The following RPS6KC1 variants were observed in gnomAD, a reference collection of about 807,000 sequenced individuals.
RPS6KC1 encodes ribosomal protein S6 kinase C1, also known as inactive ribosomal protein S6 kinase delta-1.
A neutral mutation model predicts 103.8 loss-of-function variants in RPS6KC1; 54 were observed. That is an observed-to-expected ratio of 0.52 (90% CI 0.42 to 0.65). RPS6KC1 has a LOEUF of 0.65. Ranked by LOEUF, RPS6KC1 falls within the 30% of genes least tolerant of loss-of-function variation. The pLI, the probability that RPS6KC1 is intolerant of heterozygous loss-of-function variation, is 0.00. For synonymous variants in RPS6KC1, 439 were observed against 438.7 expected, an observed-to-expected ratio of 1.00 and a Z score of -0.01; for missense variants, 1,151 against 1,253.8, an observed-to-expected ratio of 0.92 and a Z score of 1.24.
chr1:213,851,744 A>G, the RPS6KC1 span, among the ~76,000 whole-genome samples: 1 of 151,854 alleles, frequency 6.6e-6, no homozygotes, highest in Non-Finnish European at 1.5e-5. Context: ...CTCCCCCACC[A>G]AATCTGCCCT....
chr1:213,838,461 G>T, the RPS6KC1 span, among the ~76,000 whole-genome samples: 1 of 152,048 alleles, frequency 6.6e-6, no homozygotes, highest in Non-Finnish European at 1.5e-5. Context: ...GGCTGGAGCT[G>T]AAGCAGCCTT....
chr1:213,258,241 G>A (rs2094698828), intron 12 of RPS6KC1, among the ~76,000 whole-genome samples: 1 of 152,064 alleles, frequency 6.6e-6, no homozygotes, highest in South Asian at 2.1e-4. Context: ...CAAGTGCTGG[G>A]ATTACAGGCA....
At chr1:213,436,918 G>T in the RPS6KC1 span, among the ~76,000 whole-genome samples, 2 of 151,950 alleles carry the variant, frequency 1.3e-5, no homozygotes, top group East Asian at 3.9e-4. Context: ...TTTGGAATTT[G>T]TTTGTAACCA....
At chr1:213,270,635 A>C (rs556213998) in intron 14 of RPS6KC1, among the ~76,000 whole-genome samples, 2 of 152,248 alleles carry the variant, frequency 1.3e-5, no homozygotes, top group East Asian at 3.9e-4. Flanking sequence ...AAAATATAAA[A>C]ATTTTAAAGA....
intron 8 of RPS6KC1, chr1:213,205,536 T>TTTTATATATATATATATATATA (rs1553378412): frequency 2.4e-5 from 2 of 82,292 alleles, no homozygotes; most frequent in Admixed American, 1.1e-4. Flanking sequence ...ACAAACTCAT[T>TTTTATATATATATATATATATA]TATATATATA....
At chr1:213,798,763 T>G in the RPS6KC1 span, among the ~76,000 whole-genome samples, 1 of 152,220 alleles carries the variant, frequency 6.6e-6, no homozygotes, top group African/African-American at 2.4e-5. Context: ...TGACAGAATT[T>G]TGGGTGAAGC....
Position 213,131,930 on chromosome 1 carries a change from A to T in RPS6KC1, c.835+2041A>T, listed in dbSNP as rs117796993. Among the ~76,000 whole-genome samples the T allele has an allele frequency of 2.0e-5, 3 of 152,330 alleles. No individual in the cohort carries two copies. The South Asian group carries it at 6.2e-4, about 32-fold the overall frequency. On this transcript the variant is annotated intron_variant, in intron 6 of 14. Transcript: ENST00000366960. ...TGTGCTAAAACATCACTGGTGTTTA[A>T]TTGACACAAATAAAACACATCAGTG...
At chr1:213,484,088 T>C in the RPS6KC1 span, among the ~76,000 whole-genome samples, 17 of 152,164 alleles carry the variant, frequency 1.1e-4, no homozygotes, top group Non-Finnish European at 2.1e-4. Flanking sequence ...GTCAACAAGA[T>C]TTTATTTTAC....
chr1:213,727,611 A>G, the RPS6KC1 span, among the ~76,000 whole-genome samples: 1 of 152,232 alleles, frequency 6.6e-6, no homozygotes, highest in African/African-American at 2.4e-5. Context: ...CCAGGAAGAT[A>G]TTCCCAACAA....
the RPS6KC1 span, among the ~76,000 whole-genome samples, chr1:213,675,030 G>T: frequency 6.6e-6 from 1 of 152,126 alleles, no homozygotes; most frequent in Non-Finnish European, 1.5e-5. Context: ...TATAGATTCT[G>T]GGTATTAGAC....
chr1:213,079,857 C>CT (rs566456880), intron 3 of RPS6KC1, among the ~76,000 whole-genome samples: 10 of 151,104 alleles, frequency 6.6e-5, no homozygotes, highest in African/African-American at 1.2e-4. Context: ...AATTTTAATC[C>CT]TTTTTTTTCA....
the RPS6KC1 span, among the ~76,000 whole-genome samples, chr1:213,669,177 T>C: frequency 2.6e-4 from 39 of 152,362 alleles, no homozygotes; most frequent in African/African-American, 9.4e-4. Context: ...TTTGGTTTAT[T>C]GTGGCTTTCA....
the RPS6KC1 span, among the ~76,000 whole-genome samples, chr1:213,799,283 A>C: frequency 2.0e-5 from 3 of 152,142 alleles, no homozygotes; most frequent in Non-Finnish European, 4.4e-5. Flanking sequence ...GAGTTGGTGT[A>C]ATTATTTCTT....
chr1:213,844,001 G>GA, the RPS6KC1 span, among the ~76,000 whole-genome samples: 34 of 144,618 alleles, frequency 2.4e-4, no homozygotes, highest in Non-Finnish European at 2.3e-4. Context: ...CAGCTAGGGG[G>GA]AAAAAAAAAA....
chr1:213,079,923 T>C (rs1558275118), intron 3 of RPS6KC1, among the ~76,000 whole-genome samples: 1 of 150,894 alleles, frequency 6.6e-6, no homozygotes, highest in Non-Finnish European at 1.5e-5. Context: ...TTTTTCTTTT[T>C]TTTTTTTTTT....
chr1:213,152,157 A>G, intron 6 of RPS6KC1, among the ~76,000 whole-genome samples: 1 of 124,946 alleles, frequency 8.0e-6, no homozygotes, highest in African/African-American at 3.1e-5. Context: ...CACCTCCTGG[A>G]CGGGGCAGCT....
At chr1:213,715,975 A>T in the RPS6KC1 span, among the ~76,000 whole-genome samples, 1 of 152,056 alleles carries the variant, frequency 6.6e-6, no homozygotes, top group Non-Finnish European at 1.5e-5. Flanking sequence ...ATTTTTTTTT[A>T]AATTCAGCAT....
chr1:213,403,052 C>T, the RPS6KC1 span, among the ~76,000 whole-genome samples: 14 of 151,566 alleles, frequency 9.2e-5, no homozygotes, highest in Admixed American at 3.3e-4. Flanking sequence ...GGCGTGAACC[C>T]GAGAGGCAGA....
At chr1:213,117,796 G>C (rs1166459463) in intron 5 of RPS6KC1, among the ~76,000 whole-genome samples, 1 of 151,612 alleles carries the variant, frequency 6.6e-6, no homozygotes, top group Non-Finnish European at 1.5e-5. Context: ...GCTGAGGTGG[G>C]TGAATCACCT....
Sources: gnomAD v4.1 joint callset for allele counts (sites outside exome capture counted in the v4.1 genomes callset) on GRCh38, gnomAD v4.1.1 for gene constraint, MANE v1.5 for transcripts, NCBI Gene and HGNC (gene_info 2026-07-23, HGNC 2026-07-21) for gene names.